PHC3: variants seen among roughly 807,000 people sequenced by gnomAD.
The protein encoded by PHC3 is polyhomeotic homolog 3.
PHC3 carries 13 observed loss-of-function variants against 107.4 expected under a neutral mutation model. The observed-to-expected ratio is 0.12, with a 90% CI of 0.08 to 0.19. The LOEUF (loss-of-function observed/expected upper bound fraction) is 0.19, where lower values mean the gene tolerates loss of function less well. Among genes scored for constraint, PHC3 ranks in the 10% least tolerant of loss-of-function variants. The pLI, the probability that PHC3 is intolerant of heterozygous loss-of-function variation, is 1.00. For synonymous variants in PHC3, 456 were observed against 427.4 expected, an observed-to-expected ratio of 1.07 and a Z score of -0.83; for missense variants, 992 against 1,210.9, an observed-to-expected ratio of 0.82 and a Z score of 2.68.
At chr3:170,156,299 C>T (rs768347093) in intron 4 of PHC3, among the ~76,000 whole-genome samples, 21 of 152,006 alleles carry the variant, frequency 1.4e-4, no homozygotes, top group Non-Finnish European at 2.6e-4. Context: ...CTCTGCTGCC[C>T]GGACTGGAAT....
chr3:170,147,651 G>C (rs181419214), intron 5 of PHC3: 1 of 152,120 alleles, frequency 6.6e-6, no homozygotes, highest in Non-Finnish European at 1.5e-5. Context: ...TATATGGGAG[G>C]ATATACATAG....
Position 170,113,357 on chromosome 3 carries a change from A to C in PHC3, c.2353+3T>G, listed in dbSNP as rs1460611720. On this transcript the variant is annotated splice_donor_region_variant and intron_variant, in intron 11 of 14. Transcript: ENST00000495893. The stretch of plus-strand genomic sequence containing the variant: ...AAGGGTATCTTAAGTGAAACCCACA[A>C]ACCTTCAGCAATCATGTCTTCCATC... 7 of 1,600,572 alleles carry C rather than the reference A, an allele frequency of 4.4e-6. No homozygotes were observed. The highest frequency in any genetic ancestry group is 6.0e-6 in the Non-Finnish European group (7 of 1,174,550).
intron 4 of PHC3, among the ~76,000 whole-genome samples, chr3:170,165,951 T>C (rs1350507153): frequency 2.1e-5 from 2 of 97,536 alleles, no homozygotes; most frequent in South Asian, 6.3e-4. Flanking sequence ...ATGGTTCAAA[T>C]AAGCAACAAT....
rs1395327581 is a variant in PHC3 at position 170,093,209 on chromosome 3, C to T, written c.*4021G>A. 1.3e-5 allele frequency: 2 copies of T among 152,216 alleles called. No individual in the cohort carries two copies. Among genetic ancestry groups the T allele is most frequent in the South Asian group, 2.1e-4 (1 of 4,832 alleles). 9.4% of individuals were successfully genotyped at this position (152,216 alleles called of 1,614,324 possible). A position where few individuals can be genotyped will look rare whatever the true frequency, so the allele number is the denominator to read the frequency against. Reference sequence around the variant, plus strand: ...GTATCAGAAAGTCCTGCCCCAGCTGCCTCCCTTCCTAAAGTTAGCCCCCAT... The same window carrying T: ...GTATCAGAAAGTCCTGCCCCAGCTGTCTCCCTTCCTAAAGTTAGCCCCCAT... On this transcript the variant is annotated 3_prime_UTR_variant, in exon 15 of 15. Transcript: ENST00000495893.
At chr3:170,171,249 C>A (rs563730598) in intron 4 of PHC3, 124 bp downstream of exon 4, 148 of 643,182 alleles carry the variant, frequency 2.3e-4, no homozygotes, top group Non-Finnish European at 3.7e-4. Flanking sequence ...TATTTCTGGG[C>A]AATTGTTACT....
chr3:170,091,275 A>G lies in PHC3; in HGVS notation c.*5955T>C, dbSNP rs1039222107. 6.6e-6 allele frequency: 1 copy of G among 152,238 alleles called. No individual in the cohort carries two copies. The highest frequency in any genetic ancestry group is 2.1e-4 in the South Asian group (1 of 4,830). 9.4% of individuals were successfully genotyped at this position (152,238 alleles called of 1,614,324 possible). A position where few individuals can be genotyped will look rare whatever the true frequency, so the allele number is the denominator to read the frequency against. On this transcript the variant is annotated 3_prime_UTR_variant, in exon 15 of 15. Transcript: ENST00000495893. Reference sequence around the variant, plus strand: ...TTAATTAACACCTTGCCATGTTAGTATAACAGTGTTTTCAAATTATGTTGT... The same window carrying G: ...TTAATTAACACCTTGCCATGTTAGTGTAACAGTGTTTTCAAATTATGTTGT...
At chr3:170,107,032 T>G in intron 11 of PHC3, 86 bp from the exon 12 acceptor site, 2 of 877,876 alleles carry the variant, frequency 2.3e-6, no homozygotes, top group Non-Finnish European at 3.4e-6. Flanking sequence ...GGTTGGATAC[T>G]GCTAGCAAAC....
At chr3:170,137,988 G>A (rs1053946727) in intron 6 of PHC3, among the ~76,000 whole-genome samples, 11 of 151,934 alleles carry the variant, frequency 7.2e-5, no homozygotes, top group African/African-American at 2.4e-4. Flanking sequence ...GATCACTTCA[G>A]GCCAGGAGTT....
chr3:170,172,880 C>T (rs954095880), intron 2 of PHC3, among the ~76,000 whole-genome samples, 168 bp from the exon 3 acceptor site: 1 of 152,136 alleles, frequency 6.6e-6, no homozygotes, highest in Non-Finnish European at 1.5e-5. Context: ...CTAGAAATCA[C>T]TAACTTGTAC....
intron 6 of PHC3, among the ~76,000 whole-genome samples, chr3:170,139,889 G>A (rs1723754662): frequency 6.6e-6 from 1 of 152,128 alleles, no homozygotes; most frequent in Non-Finnish European, 1.5e-5. Context: ...GCACTCTGGT[G>A]TCCCACATTC....
At chr3:170,167,558 G>A (rs1199209775) in intron 4 of PHC3, among the ~76,000 whole-genome samples, 4 of 152,218 alleles carry the variant, frequency 2.6e-5, no homozygotes, top group Middle Eastern at 3.4e-3. Context: ...TCAGGAGTTC[G>A]AGACCAGCCT....
At chr3:170,153,764 A>AAG (rs1231045066) in intron 4 of PHC3, among the ~76,000 whole-genome samples, 2 of 148,054 alleles carry the variant, frequency 1.4e-5, no homozygotes, top group Non-Finnish European at 3.0e-5. Flanking sequence ...CTCCGTCTCA[A>AAG]AAAAAAAAAA....
intron 7 of PHC3, among the ~76,000 whole-genome samples, chr3:170,131,626 G>T (rs548462072): frequency 3.2e-4 from 48 of 152,266 alleles, no homozygotes; most frequent in Non-Finnish European, 5.6e-4. Context: ...CTGAGGTAAG[G>T]AGTTCAAGAC....
intron 7 of PHC3, among the ~76,000 whole-genome samples, chr3:170,131,193 A>G (rs950253955): frequency 4.6e-5 from 7 of 151,522 alleles, no homozygotes; most frequent in Non-Finnish European, 8.8e-5. Context: ...TAATTTTCAT[A>G]TAAGTATCTA....
At chr3:170,126,528 A>ATATATATTTTTT (rs370421296) in intron 8 of PHC3, among the ~76,000 whole-genome samples, 17 of 90,620 alleles carry the variant, frequency 1.9e-4, no homozygotes, top group African/African-American at 7.6e-4. Context: ...ATATATATAT[A>ATATATATTTTTT]TTTTTTTTTT....
chr3:170,111,906 ATAAAT>A (rs892346629), intron 11 of PHC3, among the ~76,000 whole-genome samples: 149 of 152,322 alleles, frequency 9.8e-4, no homozygotes, highest in African/African-American at 3.4e-3. Context: ...TGTAAAGTGA[ATAAAT>A]TAATTTTAAT....
intron 10 of PHC3, among the ~76,000 whole-genome samples, chr3:170,115,109 A>T (rs1718643884): frequency 1.3e-5 from 2 of 152,312 alleles, no homozygotes; most frequent in African/African-American, 4.8e-5. Flanking sequence ...AGGAATTCAT[A>T]CTAAGAAACT....
intron 7 of PHC3, among the ~76,000 whole-genome samples, chr3:170,134,080 T>C (rs1722671873): frequency 6.6e-6 from 1 of 151,856 alleles, no homozygotes; most frequent in South Asian, 2.1e-4. Flanking sequence ...CTGAGAATAC[T>C]CTGTACAGTA....
intron 13 of PHC3, 24 bp from the exon 14 acceptor site, chr3:170,102,734 A>G: frequency 3.1e-6 from 5 of 1,613,694 alleles, no homozygotes; most frequent in Non-Finnish European, 4.2e-6. Flanking sequence ...TACAAGCAAA[A>G]TACAGCATTG....
Sources: gnomAD v4.1 joint callset for allele counts (sites outside exome capture counted in the v4.1 genomes callset) on GRCh38, gnomAD v4.1.1 for gene constraint, MANE v1.5 for transcripts, NCBI Gene and HGNC (gene_info 2026-07-23, HGNC 2026-07-21) for gene names.